Variants in SYTL2 observed in about 807,000 individuals in gnomAD.
The protein encoded by SYTL2 is synaptotagmin-like protein 2.
In SYTL2, 165 loss-of-function variants were observed where a neutral mutation model predicts 198.7. That is an observed-to-expected ratio of 0.83 (90% CI 0.73 to 0.94). The LOEUF (loss-of-function observed/expected upper bound fraction) is 0.94, where lower values mean the gene tolerates loss of function less well. Ranked by LOEUF, SYTL2 falls within the 40% of genes least tolerant of loss-of-function variation. The probability of loss-of-function intolerance (pLI) is 0.00; values close to 1 mark genes in which losing one functional copy is unlikely to be tolerated. For missense variants in SYTL2, 2,835 were observed against 2,582.8 expected (o/e 1.10, Z -2.12); for synonymous variants, 966 against 917.7 (o/e 1.05, Z -0.95).
chr11:85,786,477 T>C (rs1250242249), intron 1 of SYTL2, among the ~76,000 whole-genome samples: 3 of 152,202 alleles, frequency 2.0e-5, no homozygotes, highest in South Asian at 2.1e-4. Flanking sequence ...AATGTTACCA[T>C]AGGGGAAACT....
intron 3 of SYTL2, 64 bp from the exon 4 acceptor site, chr11:85,745,836 A>G: frequency 6.6e-7 from 1 of 1,503,816 alleles, no homozygotes; most frequent in Non-Finnish European, 9.0e-7. Flanking sequence ...CAACTCTCTT[A>G]TCAGCTCTTA....
At chr11:85,794,940 C>T (rs2092781146) in intron 1 of SYTL2, among the ~76,000 whole-genome samples, 1 of 151,910 alleles carries the variant, frequency 6.6e-6, no homozygotes, top group African/African-American at 2.4e-5. Context: ...GCCTAGCTTC[C>T]CATTCCTTTA....
rs597480 is a variant in SYTL2, at chr11:85,725,825, G to T, written c.3533C>A (p.Ala1178Asp). ...NRTWPQKTDF[A>D]DTEEEVKGPE... is the part of the protein sequence containing the mutation. ...TCCTTTGACTTCTTCCTCAGTATCA[G>T]CAAAATCTGTTTTTTGAGGCCATGT... The change falls in exon 8 of 20, where the codon GCT becomes GAT. Residue 1178 changes from alanine to aspartate, a missense_variant. Ala to Asp is a moderately radical substitution (Grantham distance 126, BLOSUM62 -2). Transcript: ENST00000359152. 11 of 1,613,844 alleles carry T rather than the reference G, an allele frequency of 6.8e-6. No homozygotes were observed. In the Admixed American group the frequency reaches 1.2e-4, roughly 17 times the overall value.
chr11:85,832,437 C>T, the SYTL2 span, among the ~76,000 whole-genome samples: 20,800 of 152,084 alleles, frequency 0.14, 1,724 homozygotes, highest in Middle Eastern at 0.19. Context: ...CCAGGCCCTA[C>T]GTTAGATGTT....
intron 4 of SYTL2, among the ~76,000 whole-genome samples, chr11:85,741,452 G>A (rs143146357): frequency 1.8e-3 from 270 of 152,246 alleles, no homozygotes; most frequent in African/African-American, 6.1e-3. Context: ...GCATTTTTAT[G>A]TCACAGTGAA....
At chr11:85,728,850 G>A (rs571307619) in intron 7 of SYTL2, among the ~76,000 whole-genome samples, 6 of 152,204 alleles carry the variant, frequency 3.9e-5, no homozygotes, top group African/African-American at 9.6e-5. Context: ...CCATTCCTGG[G>A]CCTTACTATT....
rs2153462558 is a variant in SYTL2 at position 85,724,735 on chromosome 11, T to C, written c.4623A>G (p.Glu1541=). Residue 1541 remains glutamate, a synonymous_variant, in exon 8 of 20, where the codon GAA becomes GAG. Transcript: ENST00000359152. ...STEEPRRATS[E]CHPEELKETV... is the part of the protein sequence containing the mutation. ...TTTCTTTTAATTCCTCAGGATGGCATTCAGAAGTGGCTCGCCTGGGCTCCT... is the reference window on the plus strand; with the variant it reads ...TTTCTTTTAATTCCTCAGGATGGCACTCAGAAGTGGCTCGCCTGGGCTCCT... 2 of 1,613,894 alleles carry C rather than the reference T, an allele frequency of 1.2e-6. No homozygotes were observed. Among genetic ancestry groups the C allele is most frequent in the Middle Eastern group, 1.7e-4 (1 of 6,058 alleles).
intron 1 of SYTL2, among the ~76,000 whole-genome samples, chr11:85,761,618 G>A (rs747099665): frequency 1.3e-5 from 2 of 152,262 alleles, no homozygotes; most frequent in South Asian, 2.1e-4. Context: ...CACATGTGGC[G>A]CTGTACATAC....
chr11:85,778,125 C>G (rs185996), intron 1 of SYTL2, among the ~76,000 whole-genome samples: 1 of 151,514 alleles, frequency 6.6e-6, no homozygotes, highest in South Asian at 2.1e-4. Flanking sequence ...GGCCGGTCTT[C>G]TTACTAGTGA....
Position 85,745,775 on chromosome 11 carries a change from G to A in SYTL2, c.254-3C>T, listed in dbSNP as rs867421748. On this transcript the variant is annotated splice_polypyrimidine_tract_variant and splice_region_variant and intron_variant, in intron 3 of 19. Coordinates refer to ENST00000359152, the MANE Select transcript of SYTL2 (RefSeq NM_206927.4). ...TTCTCTGTCTTTACTCTGCTCAGCT[G>A]AAACAGGAAACAGTAAAGACAGGAA... 6.2e-7 allele frequency: 1 copy of A among 1,607,226 alleles called. No individual in the cohort carries two copies. Among genetic ancestry groups the A allele is most frequent in the Non-Finnish European group, 8.5e-7 (1 of 1,175,308 alleles).
intron 2 of SYTL2, among the ~76,000 whole-genome samples, chr11:85,752,731 C>T (rs12272391): frequency 6.6e-6 from 1 of 151,928 alleles, no homozygotes; most frequent in Non-Finnish European, 1.5e-5. Context: ...CACTTACCCT[C>T]TTCAACCCTA....
chr11:85,714,585 T>C (rs2086853228), intron 11 of SYTL2, 78 bp from the exon 12 acceptor site: 1 of 1,545,566 alleles, frequency 6.5e-7, no homozygotes. Context: ...AAAACATACT[T>C]TTATTTAATC....
the SYTL2 span, among the ~76,000 whole-genome samples, chr11:85,821,602 A>T: frequency 6.6e-6 from 1 of 152,224 alleles, no homozygotes; most frequent in Non-Finnish European, 1.5e-5. Flanking sequence ...GTTAAATATA[A>T]CAAGCAACTG....
At chr11:85,753,917 C>T (rs988858843) in intron 2 of SYTL2, among the ~76,000 whole-genome samples, 2 of 152,068 alleles carry the variant, frequency 1.3e-5, no homozygotes, top group African/African-American at 2.4e-5. Context: ...TCTCATCTAC[C>T]GCCATACTGA....
At chr11:85,833,002 A>AAAG in the SYTL2 span, among the ~76,000 whole-genome samples, 1 of 91,782 alleles carries the variant, frequency 1.1e-5, no homozygotes, top group Non-Finnish European at 2.2e-5. Flanking sequence ...TCTCAAAAAA[A>AAAG]AAAGAAAGAA....
intron 12 of SYTL2, among the ~76,000 whole-genome samples, chr11:85,711,502 G>A (rs1565883133): frequency 6.6e-6 from 1 of 152,156 alleles, no homozygotes; most frequent in African/African-American, 2.4e-5. Context: ...TGCTGCAGAA[G>A]ACAGCACTAT....
At chr11:85,835,175 TTAAGA>T in the SYTL2 span, among the ~76,000 whole-genome samples, 5 of 152,318 alleles carry the variant, frequency 3.3e-5, no homozygotes, top group East Asian at 3.9e-4. Flanking sequence ...GGGTTTTATA[TTAAGA>T]TAAGGGTCTA....
chr11:85,784,415 G>C (rs1025707754), intron 1 of SYTL2, among the ~76,000 whole-genome samples: 5 of 150,554 alleles, frequency 3.3e-5, no homozygotes, highest in Admixed American at 6.6e-5. Flanking sequence ...TTGCAAAAAA[G>C]AATAAGTAAA....
chr11:85,838,630 A>G, the SYTL2 span, among the ~76,000 whole-genome samples: 1 of 152,126 alleles, frequency 6.6e-6, no homozygotes, highest in East Asian at 1.9e-4. Context: ...GGTGCCATGC[A>G]CTTTTAAATA....
Sources: gnomAD v4.1 joint callset for allele counts (sites outside exome capture counted in the v4.1 genomes callset) on GRCh38, gnomAD v4.1.1 for gene constraint, MANE v1.5 for transcripts, NCBI Gene and HGNC (gene_info 2026-07-23, HGNC 2026-07-21) for gene names.